Variants in C2orf66 observed in about 807,000 individuals in gnomAD.
C2orf66 encodes the protein chromosome 2 open reading frame 66, also known as uncharacterized protein C2orf66.
A neutral mutation model predicts 7.0 loss-of-function variants in C2orf66; 6 were observed. The ratio of observed to expected loss-of-function variants is 0.86; its 90% CI spans 0.47 to 1.69. The LOEUF (loss-of-function observed/expected upper bound fraction) is 1.69. Ranked by LOEUF, C2orf66 falls within the 40% of genes most tolerant of loss-of-function variation. The pLI, the probability that C2orf66 is intolerant of heterozygous loss-of-function variation, is 0.01. For synonymous variants in C2orf66, 38 were observed against 43.8 expected, an observed-to-expected ratio of 0.87 and a Z score of 0.52; for missense variants, 107 against 112.0, an observed-to-expected ratio of 0.96 and a Z score of 0.20.
chr2:196,814,321 A>G (rs1039886586), upstream of C2orf66, among the ~76,000 whole-genome samples: 1 of 152,156 alleles, frequency 6.6e-6, no homozygotes, highest in Admixed American at 6.5e-5. Flanking sequence ...CTAACACAGG[A>G]ACAGAAAACC....
At chr2:196,823,793 G>A in the C2orf66 span, among the ~76,000 whole-genome samples, 1 of 152,110 alleles carries the variant, frequency 6.6e-6, no homozygotes, top group Non-Finnish European at 1.5e-5. Context: ...CTATGTGTCA[G>A]GTACATTATC....
intron 1 of C2orf66, among the ~76,000 whole-genome samples, chr2:196,808,107 A>G (rs1423935234): frequency 6.6e-6 from 1 of 152,216 alleles, no homozygotes. Context: ...GGAGCTTAGC[A>G]CAGGAGGGTT....
chr2:196,818,095 G>A, the C2orf66 span, among the ~76,000 whole-genome samples: 1 of 152,218 alleles, frequency 6.6e-6, no homozygotes, highest in Non-Finnish European at 1.5e-5. Flanking sequence ...AATTATGAAA[G>A]TATTATTTGG....
the C2orf66 span, among the ~76,000 whole-genome samples, chr2:196,819,137 G>A: frequency 2.6e-3 from 392 of 152,272 alleles, 3 homozygotes; most frequent in African/African-American, 9.0e-3. Flanking sequence ...CTTCTTCAAA[G>A]CTCAGATCAA....
chr2:196,827,536 T>C, the C2orf66 span, among the ~76,000 whole-genome samples: 2 of 152,126 alleles, frequency 1.3e-5, no homozygotes, highest in African/African-American at 2.4e-5. Flanking sequence ...CTGCCTACCA[T>C]GTACAATGCT....
chr2:196,830,738 T>C, the C2orf66 span, among the ~76,000 whole-genome samples: 1 of 152,152 alleles, frequency 6.6e-6, no homozygotes, highest in African/African-American at 2.4e-5. Flanking sequence ...TGGATAAGGA[T>C]TTAAAGGAGC....
At chr2:196,827,954 A>G in the C2orf66 span, among the ~76,000 whole-genome samples, 1 of 152,198 alleles carries the variant, frequency 6.6e-6, no homozygotes, top group South Asian at 2.1e-4. Context: ...ATCTAACTTA[A>G]TTCTTTCTCC....
upstream of C2orf66, among the ~76,000 whole-genome samples, chr2:196,813,955 C>A (rs936212906): frequency 6.6e-6 from 1 of 152,114 alleles, no homozygotes; most frequent in South Asian, 2.1e-4. Flanking sequence ...GAAATAGGAG[C>A]GCTTTTACAC....
At chr2:196,829,867 A>C in the C2orf66 span, among the ~76,000 whole-genome samples, 1 of 151,984 alleles carries the variant, frequency 6.6e-6, no homozygotes, top group African/African-American at 2.4e-5. Flanking sequence ...ACTGCACTCC[A>C]GCCTGGGCAA....
the C2orf66 span, among the ~76,000 whole-genome samples, chr2:196,828,021 T>G: frequency 1.3e-5 from 2 of 152,208 alleles, no homozygotes; most frequent in East Asian, 3.8e-4. Flanking sequence ...TTTGACCTTA[T>G]ATAATTTTGT....
the C2orf66 span, among the ~76,000 whole-genome samples, chr2:196,819,488 G>C: frequency 6.6e-6 from 1 of 152,208 alleles, no homozygotes; most frequent in East Asian, 1.9e-4. Flanking sequence ...CCTGATCTTA[G>C]ATTTCCAGTC....
At chr2:196,817,230 CTTTTT>C in the C2orf66 span, among the ~76,000 whole-genome samples, 2 of 111,746 alleles carry the variant, frequency 1.8e-5, no homozygotes, top group East Asian at 2.5e-4. Flanking sequence ...CAAGTATTGT[CTTTTT>C]TTTTTTTTTT....
the C2orf66 span, among the ~76,000 whole-genome samples, chr2:196,822,294 A>G: frequency 6.6e-6 from 1 of 152,190 alleles, no homozygotes; most frequent in Non-Finnish European, 1.5e-5. Context: ...CCAAAATGAT[A>G]GTTCATTCCC....
At chr2:196,819,700 G>A in the C2orf66 span, among the ~76,000 whole-genome samples, 18 of 152,028 alleles carry the variant, frequency 1.2e-4, no homozygotes, top group African/African-American at 4.3e-4. Flanking sequence ...TTCAGAGGTT[G>A]GTATAATGCC....
At chr2:196,811,055 G>A (rs1295600456), upstream of C2orf66, among the ~76,000 whole-genome samples, 4 of 152,230 alleles carry the variant, frequency 2.6e-5, no homozygotes, top group Admixed American at 6.5e-5. Context: ...CCAGTCAACT[G>A]AATAGGAGTT....
the C2orf66 span, among the ~76,000 whole-genome samples, chr2:196,819,838 CATA>C: frequency 1.3e-5 from 2 of 152,176 alleles, no homozygotes; most frequent in African/African-American, 4.8e-5. Flanking sequence ...CAGAGATTTA[CATA>C]ATGTCATATT....
chr2:196,824,358 A>T, the C2orf66 span, among the ~76,000 whole-genome samples: 1 of 152,260 alleles, frequency 6.6e-6, no homozygotes, highest in Non-Finnish European at 1.5e-5. Context: ...CATCTGCTGA[A>T]AGGACAAAGT....
chr2:196,810,576 C>A (rs79426345), upstream of C2orf66, among the ~76,000 whole-genome samples: 1 of 152,072 alleles, frequency 6.6e-6, no homozygotes, highest in African/African-American at 2.4e-5. Context: ...AATGGTAGGC[C>A]GAGAAATTGG....
At chr2:196,827,281 C>A in the C2orf66 span, among the ~76,000 whole-genome samples, 164 of 143,872 alleles carry the variant, frequency 1.1e-3, no homozygotes, top group East Asian at 0.02. Context: ...AACAAAAAAA[C>A]CCCGACAACA....
Sources: gnomAD v4.1 joint callset for allele counts (sites outside exome capture counted in the v4.1 genomes callset) on GRCh38, gnomAD v4.1.1 for gene constraint, MANE v1.5 for transcripts, NCBI Gene and HGNC (gene_info 2026-07-23, HGNC 2026-07-21) for gene names.